The following ZFYVE28 variants were observed in gnomAD, a reference collection of about 807,000 sequenced individuals.
ZFYVE28 encodes the protein lateral signaling target protein 2 homolog.
A neutral mutation model predicts 82.1 loss-of-function variants in ZFYVE28; 40 were observed. The ratio of observed to expected loss-of-function variants is 0.49; its 90% confidence interval spans 0.38 to 0.63. The LOEUF is 0.63. Ranked by LOEUF, ZFYVE28 falls within the 30% of genes least tolerant of loss-of-function variation. The pLI is 0.00. For synonymous variants in ZFYVE28, 612 were observed against 546.1 expected, an observed-to-expected ratio of 1.12 and a Z score of -1.68; for missense variants, 1,321 against 1,242.1, an observed-to-expected ratio of 1.06 and a Z score of -0.96.
At chr4:2,273,107 C>G (rs1479968031) in intron 10 of ZFYVE28, 66 bp downstream of exon 10, 1 of 1,326,568 alleles carries the variant, frequency 7.5e-7, no homozygotes, top group Non-Finnish European at 1.1e-6. Context: ...TCTGAGCACC[C>G]CTCCCTGTGG....
At chr4:2,340,173 G>C (rs1379904432) in intron 3 of ZFYVE28, among the ~76,000 whole-genome samples, 1 of 152,176 alleles carries the variant, frequency 6.6e-6, no homozygotes, top group Non-Finnish European at 1.5e-5. Flanking sequence ...GACACCACCT[G>C]TCAAGTTGCT....
At chr4:2,396,327 GT>G (rs1348459309) in intron 1 of ZFYVE28, among the ~76,000 whole-genome samples, 2 of 8,056 alleles carry the variant, frequency 2.5e-4, no homozygotes, top group African/African-American at 9.7e-4. Flanking sequence ...GGGACACAAG[GT>G]GGGGGTGTCT....
rs775342082 is a variant in ZFYVE28 at position 2,341,514 on chromosome 4, G to A, written c.282C>T (p.His94=). The A allele has an allele frequency of 2.0e-5, 33 of 1,613,720 alleles. No individual in the cohort carries two copies. The highest frequency in any genetic ancestry group is 5.0e-5 in the Admixed American group (3 of 60,002). ...FCVKFPEEIR[H]DNLAGQLWFG... is the part of the protein sequence containing the mutation. Reference sequence around the variant, plus strand: ...ACCACAGCTGGCCGGCCAGGTTGTCGTGCCGGATCTCCTCAGGGAACTTGA... The same window carrying A: ...ACCACAGCTGGCCGGCCAGGTTGTCATGCCGGATCTCCTCAGGGAACTTGA... Residue 94 remains histidine (H), a synonymous_variant, in exon 3 of 13, where the codon CAC becomes CAT. Transcript: ENST00000290974. The surrounding 1 kb of genome is among the most constrained non-coding windows in gnomAD (Gnocchi z 4.5).
At chr4:2,331,407 C>A (rs1720688184) in intron 6 of ZFYVE28, among the ~76,000 whole-genome samples, 1 of 151,696 alleles carries the variant, frequency 6.6e-6, no homozygotes, top group African/African-American at 2.4e-5. Flanking sequence ...TTTAGGAGAC[C>A]AAGGCAGGCA....
At chr4:2,334,928 T>C (rs61789443) in intron 6 of ZFYVE28, among the ~76,000 whole-genome samples, 40,264 of 133,424 alleles carry the variant, frequency 0.3, 6,798 homozygotes, top group Middle Eastern at 0.39. Flanking sequence ...CCCGTGACCA[T>C]CCGCCTGGCA....
intron 1 of ZFYVE28, among the ~76,000 whole-genome samples, chr4:2,398,746 A>G (rs111282744): frequency 7.6e-3 from 11 of 1,438 alleles, no homozygotes; most frequent in Non-Finnish European, 3.4e-3. Context: ...CAAGGGGGGT[A>G]TGAGATCCAG....
chr4:2,338,687 C>T (rs1023808813), intron 4 of ZFYVE28, among the ~76,000 whole-genome samples: 3 of 152,222 alleles, frequency 2.0e-5, no homozygotes, highest in South Asian at 2.1e-4. Context: ...AAATAAAACT[C>T]GACTGTCCGT....
chr4:2,276,935 T>G (rs1323633875), intron 8 of ZFYVE28, among the ~76,000 whole-genome samples: 1 of 151,906 alleles, frequency 6.6e-6, no homozygotes, highest in Non-Finnish European at 1.5e-5. Flanking sequence ...AATTGTACGC[T>G]TAGGAAGGGC....
intron 10 of ZFYVE28, among the ~76,000 whole-genome samples, 162 bp downstream of exon 10, chr4:2,273,011 C>T (rs944458173): frequency 1.3e-5 from 2 of 152,216 alleles, no homozygotes; most frequent in East Asian, 1.9e-4. Context: ...CAGCCTGGCA[C>T]ATTTGGAGTG....
At chr4:2,368,520 C>A (rs1727161245) in intron 1 of ZFYVE28, among the ~76,000 whole-genome samples, 2 of 82,794 alleles carry the variant, frequency 2.4e-5, no homozygotes. Context: ...CAGTCATCCC[C>A]CTACCCCTTC....
chr4:2,302,415 G>A (rs1035990582), intron 8 of ZFYVE28, among the ~76,000 whole-genome samples: 2 of 152,210 alleles, frequency 1.3e-5, no homozygotes, highest in Non-Finnish European at 2.9e-5. Context: ...GGTGTCCAGT[G>A]GCCTTAGAGA....
rs372565755 is a variant in ZFYVE28 at position 2,304,580 on chromosome 4, G to A, written c.1760C>T (p.Pro587Leu). 214 of 1,612,396 alleles carry A rather than the reference G, an allele frequency of 1.3e-4. No individual in the cohort carries two copies. The highest frequency in any genetic ancestry group is 3.3e-4 in the Middle Eastern group (2 of 6,060). The change falls in exon 8 of 13, where the codon CCG (proline) becomes CTG (leucine). Residue 587 changes from proline (P) to leucine (L), a missense_variant. Pro to Leu is a moderately conservative substitution (Grantham distance 98). Transcript: ENST00000290974. ...GTACGAGGCACCAATGACGCCTCCCGGGCTGCACTTCTCCCGCAGACGCTC... is the reference window on the plus strand; with the variant it reads ...GTACGAGGCACCAATGACGCCTCCCAGGCTGCACTTCTCCCGCAGACGCTC... ...VVERLREKCS[P>L]GGVIGASYAA...
At chr4:2,324,172 A>G (rs1364452803) in intron 6 of ZFYVE28, among the ~76,000 whole-genome samples, 1 of 152,116 alleles carries the variant, frequency 6.6e-6, no homozygotes, top group African/African-American at 2.4e-5. Context: ...GAACCCGGAG[A>G]AGAGTTGACA....
intron 8 of ZFYVE28, among the ~76,000 whole-genome samples, chr4:2,292,850 C>T (rs764274035): frequency 6.6e-5 from 10 of 152,172 alleles, no homozygotes; most frequent in African/African-American, 9.7e-5. Flanking sequence ...GACAAGAAGA[C>T]GGCTGCCTGA....
At chr4:2,402,243 G>T (rs1731266550) in intron 1 of ZFYVE28, among the ~76,000 whole-genome samples, 1 of 152,194 alleles carries the variant, frequency 6.6e-6, no homozygotes, top group Non-Finnish European at 1.5e-5. Flanking sequence ...AGACAGCCCT[G>T]CTGGGTGGGC....
intron 10 of ZFYVE28, among the ~76,000 whole-genome samples, chr4:2,272,007 T>C (rs888537670): frequency 1.3e-5 from 2 of 152,224 alleles, no homozygotes; most frequent in African/African-American, 2.4e-5. Context: ...CCCAGAAGCC[T>C]GTGGCTGCTC....
intron 8 of ZFYVE28, among the ~76,000 whole-genome samples, chr4:2,299,072 C>T (rs1715092456): frequency 6.6e-6 from 1 of 152,192 alleles, no homozygotes; most frequent in Non-Finnish European, 1.5e-5. Context: ...AGGACATCTG[C>T]AAATCAAAAG....
intron 6 of ZFYVE28, among the ~76,000 whole-genome samples, chr4:2,323,908 G>A (rs531657068): frequency 6.6e-5 from 10 of 152,162 alleles, no homozygotes; most frequent in African/African-American, 1.9e-4. Context: ...ATTCCATGGT[G>A]TATATGTGCC....
At position 2,270,818 on chromosome 4, in the gene ZFYVE28, C is replaced by T. The variant is rs780173838; in HGVS notation, c.2571G>A (p.Leu857=). Residue 857 remains leucine, a synonymous_variant, in exon 13 of 13, where the codon CTG becomes CTA. Coordinates refer to ENST00000290974, the MANE Select transcript of ZFYVE28 (RefSeq NM_020972.3). ...CSRCSSHSAP[L]PRYGQVKPVR... ...CCGGCTTCACCTGCCCGTAGCGGGG[C>T]AGCGGTGCTGAGTGCGAGGAGCAGC... is the stretch of plus-strand genomic sequence containing the variant. 1.1e-5 allele frequency: 18 copies of T among 1,613,032 alleles called. No individual in the cohort carries two copies. The East Asian group carries it at 2.0e-4, about 18-fold the overall frequency.
Sources: gnomAD v4.1 joint callset for allele counts (sites outside exome capture counted in the v4.1 genomes callset) on GRCh38, gnomAD v4.1.1 for gene constraint, Gnocchi (gnomAD v3.1) non-coding constraint, MANE v1.5 for transcripts, NCBI Gene and HGNC (gene_info 2026-07-23, HGNC 2026-07-21) for gene names.